Variants in SYN2 observed in about 807,000 individuals in gnomAD.
The protein encoded by SYN2 is synapsin II.
In SYN2, 19 loss-of-function variants were observed where a neutral mutation model predicts 50.9. The ratio of observed to expected loss-of-function variants is 0.37; its 90% confidence interval spans 0.26 to 0.55. SYN2 has a LOEUF of 0.55. Ranked by LOEUF, SYN2 falls within the 20% of genes least tolerant of loss-of-function variation. The probability of loss-of-function intolerance (pLI) is 0.81; values close to 1 mark genes in which losing one functional copy is unlikely to be tolerated. For synonymous variants in SYN2, 255 were observed against 224.9 expected (o/e 1.13, Z -1.20); for missense variants, 587 against 576.4 (o/e 1.02, Z -0.19).
At chr3:12,131,046 C>T (rs73813131) in intron 1 of SYN2, among the ~76,000 whole-genome samples, 4,625 of 152,236 alleles carry the variant, frequency 0.03, 219 homozygotes, top group African/African-American at 0.1. Flanking sequence ...GGCAGGGCTC[C>T]TGCATATGCT....
chr3:12,121,670 G>C (rs1257252277), intron 1 of SYN2, among the ~76,000 whole-genome samples: 2 of 149,776 alleles, frequency 1.3e-5, no homozygotes, highest in Non-Finnish European at 3.0e-5. Context: ...GAGAAAGGAA[G>C]GGAAGGAGAA....
Position 12,158,059 on chromosome 3 carries a change from C to T in SYN2, c.775-3487C>T, listed in dbSNP as rs368808774. On this transcript the variant is annotated intron_variant, in intron 5 of 12. Transcript: ENST00000621198. ...GATTAAGACAGGGTCCCCATCCTGC[C>T]GAGCTCTTGATCTAGTGGAGTGCAC... Among the ~76,000 whole-genome samples the T allele has an allele frequency of 1.1e-4, 16 of 152,254 alleles. No homozygotes were observed. In the East Asian group the frequency reaches 1.2e-3, roughly 11 times the overall value.
chr3:12,082,390 A>G (rs1228136989), intron 1 of SYN2, among the ~76,000 whole-genome samples: 1 of 152,236 alleles, frequency 6.6e-6, no homozygotes, highest in Non-Finnish European at 1.5e-5. Context: ...GTTTAGGCAC[A>G]GTGAACCACT....
intron 1 of SYN2, among the ~76,000 whole-genome samples, chr3:12,074,145 A>G (rs920624661): frequency 6.6e-6 from 1 of 152,032 alleles, no homozygotes; most frequent in Non-Finnish European, 1.5e-5. Flanking sequence ...TGTTTTATCT[A>G]TCATATAGTT....
chr3:12,005,922 G>A (rs1481223848), intron 1 of SYN2, among the ~76,000 whole-genome samples: 4 of 139,296 alleles, frequency 2.9e-5, no homozygotes, highest in African/African-American at 1.3e-4. Context: ...AAATTGATAG[G>A]TGAAGGGCTT....
rs148741167 is a variant in SYN2 at position 12,038,793 on chromosome 3, C to G, written c.377+33865C>G. Among the ~76,000 whole-genome samples, 455 of 152,124 alleles carry G rather than the reference C, an allele frequency of 3.0e-3. 1 individual carries two copies. Among genetic ancestry groups the G allele is most frequent in the African/African-American group, 0.011 (437 of 41,516 alleles). On this transcript the variant is annotated intron_variant, in intron 1 of 12. Transcript: ENST00000621198. ...ACCTTGCTGAACTCATTTATTAGCT[C>G]TAAGAGTGTGTGTTCATGTTTGTGT...
At chr3:12,164,560 A>G (rs1314174805) in intron 7 of SYN2, among the ~76,000 whole-genome samples, 1 of 152,206 alleles carries the variant, frequency 6.6e-6, no homozygotes, top group Non-Finnish European at 1.5e-5. Context: ...TACCCCAGCA[A>G]TCACCGTGGA....
chr3:12,152,398 C>T (rs941421022), intron 5 of SYN2, among the ~76,000 whole-genome samples: 4 of 152,282 alleles, frequency 2.6e-5, no homozygotes, highest in Non-Finnish European at 5.9e-5. Flanking sequence ...GCTGAGGAGC[C>T]CTGAGGGTCC....
chr3:12,168,587 AAGATCAGTGGGT>A, intron 9 of SYN2, 109 bp downstream of exon 9: 2 of 913,438 alleles, frequency 2.2e-6, no homozygotes, highest in South Asian at 3.0e-5. Flanking sequence ...ATGTTCCAGC[AAGATCAGTGGGT>A]AGCTATTGTT....
At chr3:12,184,504 G>A in intron 11 of SYN2, 1 of 985,910 alleles carries the variant, frequency 1.0e-6, no homozygotes, top group Non-Finnish European at 1.2e-6. Context: ...AATCAAAAAT[G>A]TCCCATGTCA....
At chr3:12,079,275 C>T (rs1223791244) in intron 1 of SYN2, among the ~76,000 whole-genome samples, 6 of 152,160 alleles carry the variant, frequency 3.9e-5, no homozygotes, top group Non-Finnish European at 7.4e-5. Context: ...TCCTCTCTTC[C>T]CGTTTGAATA....
chr3:12,169,945 A>G, intron 10 of SYN2, 39 bp downstream of exon 10: 2 of 1,565,368 alleles, frequency 1.3e-6, no homozygotes, highest in South Asian at 1.2e-5. Flanking sequence ...GCCAAGAACC[A>G]TTCCCAAGCC....
intron 12 of SYN2, among the ~76,000 whole-genome samples, chr3:12,188,826 G>A (rs911611865): frequency 5.3e-5 from 8 of 152,132 alleles, no homozygotes; most frequent in African/African-American, 1.9e-4. Flanking sequence ...TTTCCTGCCT[G>A]CTGACTTTTT....
intron 1 of SYN2, among the ~76,000 whole-genome samples, chr3:12,080,936 G>A (rs538233234): frequency 6.6e-6 from 1 of 152,180 alleles, no homozygotes; most frequent in South Asian, 2.1e-4. Context: ...TCCAATTGTG[G>A]TGAAAGAAAA....
chr3:12,153,768 GC>G (rs1697374068), intron 5 of SYN2: 2 of 1,588,292 alleles, frequency 1.3e-6, no homozygotes, highest in Non-Finnish European at 1.7e-6. Flanking sequence ...TTTTTCCATT[GC>G]TGCCTTTCAG....
intron 10 of SYN2, among the ~76,000 whole-genome samples, chr3:12,179,303 G>A (rs1698167824): frequency 6.7e-6 from 1 of 148,520 alleles, no homozygotes; most frequent in Non-Finnish European, 1.5e-5. Context: ...TCTGTAGCTG[G>A]TCCAGGCTGG....
At chr3:12,183,507 A>G in intron 11 of SYN2, 135 bp downstream of exon 11, 1 of 1,580,994 alleles carries the variant, frequency 6.3e-7, no homozygotes, top group Non-Finnish European at 8.6e-7. Flanking sequence ...GAAAGCGGGG[A>G]GGGGAAAACA....
chr3:12,097,582 G>A (rs1294372833), intron 1 of SYN2, among the ~76,000 whole-genome samples: 1 of 151,216 alleles, frequency 6.6e-6, no homozygotes, highest in Non-Finnish European at 1.5e-5. Context: ...CTCCAGCCTG[G>A]GCGACAGAGC....
At chr3:12,161,963 T>C (rs1278231014) in intron 6 of SYN2, 49 bp from the exon 7 acceptor site, 4 of 1,609,032 alleles carry the variant, frequency 2.5e-6, no homozygotes, top group Non-Finnish European at 3.4e-6. Context: ...TCTCAGTGTG[T>C]GTATGTGTGT....
Sources: allele counts gnomAD v4.1 joint callset (sites outside exome capture counted in the v4.1 genomes callset), GRCh38; gene constraint gnomAD v4.1.1; transcripts MANE v1.5; gene names NCBI Gene and HGNC (gene_info 2026-07-23, HGNC 2026-07-21).